Variants in TMEM117 observed in about 807,000 individuals in gnomAD.
The protein encoded by TMEM117 is transmembrane protein 117.
TMEM117 carries 27 observed loss-of-function variants against 52.4 expected under a neutral mutation model. The observed-to-expected ratio is 0.51, with a 90% confidence interval of 0.38 to 0.71. TMEM117 has a LOEUF of 0.71. TMEM117 is among the 30% of genes least tolerant of loss of function. The probability of loss-of-function intolerance (pLI) is 0.00; values close to 1 mark genes in which losing one functional copy is unlikely to be tolerated. For synonymous variants in TMEM117, 215 were observed against 206.3 expected, an observed-to-expected ratio of 1.04 and a Z score of -0.36; for missense variants, 556 against 630.5, an observed-to-expected ratio of 0.88 and a Z score of 1.26.
chr12:44,015,411 G>A (rs772864531), intron 3 of TMEM117, among the ~76,000 whole-genome samples: 28 of 151,976 alleles, frequency 1.8e-4, no homozygotes, highest in Middle Eastern at 3.4e-3. Flanking sequence ...GGTATTTTTT[G>A]GACTTAAAAT....
At chr12:44,224,224 G>T (rs7311036) in intron 5 of TMEM117, among the ~76,000 whole-genome samples, 1 of 151,904 alleles carries the variant, frequency 6.6e-6, no homozygotes, top group Non-Finnish European at 1.5e-5. Flanking sequence ...TTGATTATAA[G>T]CCTTGATTCA....
At chr12:43,887,582 T>C (rs1236071138) in intron 2 of TMEM117, among the ~76,000 whole-genome samples, 1 of 152,182 alleles carries the variant, frequency 6.6e-6, no homozygotes, top group Admixed American at 6.5e-5. Flanking sequence ...GTGCAGACAT[T>C]TGATCTCAGG....
intron 3 of TMEM117, among the ~76,000 whole-genome samples, chr12:44,039,437 C>T (rs1039035846): frequency 6.6e-6 from 1 of 150,432 alleles, no homozygotes; most frequent in African/African-American, 2.4e-5. Context: ...CAGGAGTTCC[C>T]AACTTTGCTC....
the TMEM117 span, chr12:43,800,318 T>C: frequency 1.4e-6 from 1 of 695,836 alleles, no homozygotes; most frequent in Non-Finnish European, 2.4e-6. Flanking sequence ...ACAGTATTTC[T>C]CTTATTCTCA....
intron 6 of TMEM117, among the ~76,000 whole-genome samples, chr12:44,345,272 G>T (rs1364452797): frequency 1.3e-5 from 2 of 151,910 alleles, no homozygotes; most frequent in Non-Finnish European, 2.9e-5. Flanking sequence ...AGGGTATTGT[G>T]TTGGCTCTGA....
intron 2 of TMEM117, among the ~76,000 whole-genome samples, chr12:43,889,287 T>A (rs182360999): frequency 6.6e-6 from 1 of 152,304 alleles, no homozygotes; most frequent in Non-Finnish European, 1.5e-5. Flanking sequence ...TTCACCATGT[T>A]GGCCAGGCAG....
intron 6 of TMEM117, among the ~76,000 whole-genome samples, chr12:44,343,672 A>G (rs1951446795): frequency 1.3e-5 from 2 of 152,148 alleles, no homozygotes; most frequent in African/African-American, 2.4e-5. Context: ...AAATGTCCTC[A>G]ACACTATTAA....
chr12:43,886,504 C>G (rs552448653), intron 2 of TMEM117, among the ~76,000 whole-genome samples: 4 of 152,032 alleles, frequency 2.6e-5, no homozygotes, highest in Admixed American at 2.0e-4. Flanking sequence ...AGTACTTAGG[C>G]AAATTCAAAC....
intron 6 of TMEM117, among the ~76,000 whole-genome samples, chr12:44,309,384 G>A (rs1242268968): frequency 2.6e-5 from 4 of 152,144 alleles, no homozygotes; most frequent in Admixed American, 1.3e-4. Flanking sequence ...GAAGAGGCAC[G>A]TTGGAGAATG....
chr12:44,299,128 AT>A (rs375671360), intron 5 of TMEM117, among the ~76,000 whole-genome samples: 11,173 of 125,310 alleles, frequency 0.089, 574 homozygotes, highest in African/African-American at 0.23. Context: ...AAGGCATTTA[AT>A]TTTTTTTTTT....
At chr12:43,991,245 G>A (rs139506718) in intron 3 of TMEM117, among the ~76,000 whole-genome samples, 58 of 152,218 alleles carry the variant, frequency 3.8e-4, no homozygotes, top group Admixed American at 1.5e-3. Context: ...AAAGTCGTCG[G>A]AATGTTAGTA....
chr12:44,372,228 C>T (rs1951873729), intron 6 of TMEM117, among the ~76,000 whole-genome samples: 2 of 152,308 alleles, frequency 1.3e-5, no homozygotes. Context: ...TCATAATATA[C>T]AATCCCAGGA....
chr12:44,371,241 G>A (rs58523791), intron 6 of TMEM117, among the ~76,000 whole-genome samples: 1,531 of 152,264 alleles, frequency 0.01, 34 homozygotes, highest in African/African-American at 0.035. Flanking sequence ...GTAGAATGAT[G>A]TTATGATATT....
At chr12:43,805,473 G>A in the TMEM117 span, 1 of 450,078 alleles carries the variant, frequency 2.2e-6, no homozygotes, top group South Asian at 1.6e-5. Flanking sequence ...CTCGTTAAGT[G>A]ATCGCGAGTA....
At chr12:44,230,020 C>T (rs1036415399) in intron 5 of TMEM117, among the ~76,000 whole-genome samples, 4 of 152,070 alleles carry the variant, frequency 2.6e-5, no homozygotes, top group African/African-American at 7.2e-5. Flanking sequence ...TTTTCTCACA[C>T]GTTATGTAAA....
chr12:43,950,959 C>T (rs1350638818), intron 3 of TMEM117, among the ~76,000 whole-genome samples: 1 of 152,120 alleles, frequency 6.6e-6, no homozygotes, highest in South Asian at 2.1e-4. Context: ...CCAGTTCATC[C>T]TACTGGGACT....
At chr12:43,976,258 A>T (rs1169496945) in intron 3 of TMEM117, among the ~76,000 whole-genome samples, 1 of 152,148 alleles carries the variant, frequency 6.6e-6, no homozygotes, top group Non-Finnish European at 1.5e-5. Context: ...AATTAATAGT[A>T]CACTGCAGTA....
intron 1 of TMEM117, among the ~76,000 whole-genome samples, chr12:43,840,729 G>C (rs1943104173): frequency 6.6e-6 from 1 of 152,186 alleles, no homozygotes; most frequent in Admixed American, 6.5e-5. Context: ...CACATACATA[G>C]ATAATTTCAC....
At chr12:44,038,526 C>T (rs901813971) in intron 3 of TMEM117, among the ~76,000 whole-genome samples, 3 of 152,198 alleles carry the variant, frequency 2.0e-5, no homozygotes, top group Admixed American at 6.5e-5. Flanking sequence ...ACCACTCGTG[C>T]CTGGCTTGCC....
Sources: allele counts gnomAD v4.1 joint callset (sites outside exome capture counted in the v4.1 genomes callset), GRCh38; gene constraint gnomAD v4.1.1; transcripts MANE v1.5; gene names NCBI Gene and HGNC (gene_info 2026-07-23, HGNC 2026-07-21).